Variants in CRACD observed in about 807,000 individuals in gnomAD.
CRACD encodes the protein capping protein inhibiting regulator of actin dynamics.
Under a neutral mutation model 106.8 loss-of-function variants are expected in CRACD, and 56 were observed. The ratio of observed to expected loss-of-function variants is 0.52; its 90% CI spans 0.42 to 0.66. The LOEUF is 0.66. CRACD is among the 30% of genes least tolerant of loss of function. The probability of loss-of-function intolerance (pLI) is 0.00; values close to 1 mark genes in which losing one functional copy is unlikely to be tolerated. For synonymous variants in CRACD, 754 were observed against 670.8 expected, an observed-to-expected ratio of 1.12 and a Z score of -1.92; for missense variants, 1,730 against 1,623.2, an observed-to-expected ratio of 1.07 and a Z score of -1.13.
chr4:56,063,990 C>G (rs1399434093), intron 1 of CRACD, among the ~76,000 whole-genome samples: 4 of 152,226 alleles, frequency 2.6e-5, no homozygotes, highest in Non-Finnish European at 4.4e-5. Flanking sequence ...TTCAATTTCT[C>G]TATATCCTCA....
chr4:56,228,023 T>C (rs1376380876), intron 2 of CRACD, among the ~76,000 whole-genome samples: 1 of 152,170 alleles, frequency 6.6e-6, no homozygotes, highest in East Asian at 1.9e-4. Flanking sequence ...TCATGCTGCG[T>C]GTTCTCCTTT....
At chr4:56,236,903 T>C (rs1294366246) in intron 2 of CRACD, among the ~76,000 whole-genome samples, 3 of 152,202 alleles carry the variant, frequency 2.0e-5, no homozygotes. Context: ...TGGAGAGGCA[T>C]GTGTTGTTGG....
intron 4 of CRACD, chr4:56,301,283 G>A (rs1234606236): frequency 3.2e-6 from 4 of 1,259,942 alleles, no homozygotes; most frequent in African/African-American, 1.5e-5. Flanking sequence ...TTATTAACTT[G>A]CATGAATGCT....
At chr4:56,208,454 T>C (rs1161590403) in intron 2 of CRACD, among the ~76,000 whole-genome samples, 1 of 152,210 alleles carries the variant, frequency 6.6e-6, no homozygotes, top group African/African-American at 2.4e-5. Flanking sequence ...GACATATGCA[T>C]TAAAGCATTC....
chr4:56,060,607 A>G (rs547998302), intron 1 of CRACD, among the ~76,000 whole-genome samples: 2 of 152,234 alleles, frequency 1.3e-5, no homozygotes, highest in Admixed American at 6.5e-5. Context: ...AGACAAGACT[A>G]GAGAAGTGGG....
At chr4:56,162,353 C>A (rs1030014996) in intron 1 of CRACD, among the ~76,000 whole-genome samples, 2 of 152,012 alleles carry the variant, frequency 1.3e-5, no homozygotes, top group Admixed American at 1.3e-4. Context: ...CACCACCATG[C>A]CCCTGCTAAT....
At position 56,172,616 on chromosome 4, in the gene CRACD, C is replaced by T. The variant is rs1190570856; in HGVS notation, c.-335-6668C>T. ...TAGCTGGGATTACAGGCATGTGCCA[C>T]CACGCCCAGCTAATTTTTTTTTTTT... On this transcript the variant is annotated intron_variant, in intron 1 of 10. Coordinates refer to ENST00000682029, the MANE Select transcript of CRACD (RefSeq NM_001393381.1). 2.0e-5 allele frequency among the ~76,000 whole-genome samples: 3 copies of T among 152,046 alleles called. No individual in the cohort carries two copies. In the East Asian group the frequency reaches 5.8e-4, roughly 29 times the overall value.
At chr4:56,093,302 G>A (rs567819607) in intron 1 of CRACD, among the ~76,000 whole-genome samples, 26 of 152,278 alleles carry the variant, frequency 1.7e-4, no homozygotes, top group African/African-American at 6.3e-4. Flanking sequence ...GCGATGTTAA[G>A]TCCTGCCTCC....
At chr4:56,130,803 C>G (rs1734803216) in intron 1 of CRACD, among the ~76,000 whole-genome samples, 1 of 152,076 alleles carries the variant, frequency 6.6e-6, no homozygotes. Flanking sequence ...ATGAAGCTGC[C>G]TTTTCCTGGG....
intron 1 of CRACD, among the ~76,000 whole-genome samples, chr4:56,164,215 A>T (rs1020573943): frequency 1.3e-5 from 2 of 151,264 alleles, no homozygotes; most frequent in African/African-American, 4.9e-5. Flanking sequence ...GCTCACTGCA[A>T]GCTCCACCTC....
chr4:56,211,535 A>G (rs1489793817), intron 2 of CRACD, among the ~76,000 whole-genome samples: 1 of 152,218 alleles, frequency 6.6e-6, no homozygotes, highest in Non-Finnish European at 1.5e-5. Flanking sequence ...GTATACGCTG[A>G]CAATTGAAGA....
chr4:56,304,898 C>T (rs1447496866), intron 4 of CRACD, among the ~76,000 whole-genome samples: 1 of 151,958 alleles, frequency 6.6e-6, no homozygotes, highest in Non-Finnish European at 1.5e-5. Flanking sequence ...AGTGTTAGGC[C>T]AGGTCCTCCT....
At chr4:56,321,249 T>C (rs1401906) in intron 8 of CRACD, 111,469 of 223,634 alleles carry the variant, frequency 0.5, 29,210 homozygotes, top group Admixed American at 0.62. Context: ...GGACCTGGGA[T>C]TGGGGTAAAA....
At chr4:56,252,262 TAC>T (rs1313655637) in intron 2 of CRACD, among the ~76,000 whole-genome samples, 1 of 152,138 alleles carries the variant, frequency 6.6e-6, no homozygotes, top group East Asian at 1.9e-4. Context: ...TCACTCCCAC[TAC>T]ACACACATAC....
intron 1 of CRACD, among the ~76,000 whole-genome samples, chr4:56,099,185 T>TTTG (rs1733701318): frequency 6.6e-6 from 1 of 152,190 alleles, no homozygotes; most frequent in African/African-American, 2.4e-5. Context: ...GTATTGTAGC[T>TTTG]ACCTTCAGAG....
intron 1 of CRACD, among the ~76,000 whole-genome samples, chr4:56,168,695 A>T (rs1736244632): frequency 6.7e-6 from 1 of 148,954 alleles, no homozygotes. Context: ...CTATGTAACT[A>T]CATATATAAT....
chr4:56,211,189 A>G (rs529709922), intron 2 of CRACD, among the ~76,000 whole-genome samples: 2 of 152,364 alleles, frequency 1.3e-5, no homozygotes, highest in African/African-American at 2.4e-5. Flanking sequence ...TACTGCTTCC[A>G]GGGCCTACTA....
chr4:56,260,722 T>C (rs1009964601), intron 2 of CRACD, among the ~76,000 whole-genome samples: 16 of 152,228 alleles, frequency 1.1e-4, no homozygotes, highest in African/African-American at 1.7e-4. Context: ...ACATTCCGCC[T>C]TTGGACAGCA....
At chr4:56,159,054 T>C (rs982956523) in intron 1 of CRACD, among the ~76,000 whole-genome samples, 5 of 152,234 alleles carry the variant, frequency 3.3e-5, no homozygotes, top group African/African-American at 1.2e-4. Flanking sequence ...GTGATGGCAG[T>C]TATTACTTTA....
Sources: allele counts gnomAD v4.1 joint callset (sites outside exome capture counted in the v4.1 genomes callset), GRCh38; gene constraint gnomAD v4.1.1; transcripts MANE v1.5; gene names NCBI Gene and HGNC (gene_info 2026-07-23, HGNC 2026-07-21).